GULP1: variants seen among roughly 807,000 people sequenced by gnomAD.
GULP1 encodes GULP PTB domain containing engulfment adaptor 1.
Under a neutral mutation model 40.9 loss-of-function variants are expected in GULP1, and 19 were observed. The ratio of observed to expected loss-of-function variants is 0.46; its 90% CI spans 0.32 to 0.68. GULP1 has a LOEUF of 0.68. Ranked by LOEUF, GULP1 falls within the 30% of genes least tolerant of loss-of-function variation. The pLI is 0.03. For missense variants in GULP1, 312 were observed against 362.2 expected (o/e 0.86, Z 1.12); for synonymous variants, 119 against 117.6 (o/e 1.01, Z -0.08).
intron 7 of GULP1, among the ~76,000 whole-genome samples, chr2:188,552,799 A>G (rs1296245555): frequency 6.6e-6 from 1 of 151,252 alleles, no homozygotes; most frequent in Non-Finnish European, 1.5e-5. Context: ...TTTATCAGTC[A>G]ATAAATAGTT....
At chr2:188,297,568 TG>T in intron 1 of GULP1, 1 of 431,210 alleles carries the variant, frequency 2.3e-6, no homozygotes. Context: ...TTAAGATCCT[TG>T]AAGTTCCTGG....
rs1704116343 is a variant in GULP1, at chr2:188,594,138, T to G, written c.*127T>G. 3 of 544,024 alleles carry G rather than the reference T, an allele frequency of 5.5e-6. No homozygotes were observed. The highest frequency in any genetic ancestry group is 6.6e-5 in the Admixed American group (2 of 30,458). 33.7% of individuals were successfully genotyped at this position (544,024 alleles called of 1,614,324 possible). A position where few individuals can be genotyped will look rare whatever the true frequency, so the allele number is the denominator to read the frequency against. ...TTGAATATTTTAATATTTTGAAAAT[T>G]TTCTCAGTTAAATTTCCTCACCTTC... On this transcript the variant is annotated 3_prime_UTR_variant, in exon 12 of 12. Coordinates refer to ENST00000409830, the MANE Select transcript of GULP1 (RefSeq NM_016315.4).
intron 2 of GULP1, among the ~76,000 whole-genome samples, chr2:188,460,806 T>G (rs2059640187): frequency 6.6e-6 from 1 of 152,136 alleles, no homozygotes; most frequent in Non-Finnish European, 1.5e-5. Context: ...TGGTTTTAAT[T>G]ATGTTGAGGT....
intron 1 of GULP1, among the ~76,000 whole-genome samples, chr2:188,345,107 C>T (rs185206116): frequency 2.0e-5 from 3 of 152,260 alleles, no homozygotes; most frequent in Admixed American, 1.3e-4. Flanking sequence ...TTTTTGCTAA[C>T]TAAGTGTGGT....
intron 2 of GULP1, among the ~76,000 whole-genome samples, chr2:188,399,690 GAAAA>G (rs55877284): frequency 1.5e-5 from 1 of 64,676 alleles, no homozygotes; most frequent in Non-Finnish European, 2.6e-5. Flanking sequence ...GTCCCTACAA[GAAAA>G]AAAAAAAAAA....
intron 1 of GULP1, among the ~76,000 whole-genome samples, chr2:188,295,759 C>T (rs749177160): frequency 5.3e-5 from 8 of 151,852 alleles, no homozygotes; most frequent in Non-Finnish European, 8.8e-5. Flanking sequence ...GTAAAAAGCA[C>T]GTGTATATGG....
intron 4 of GULP1, among the ~76,000 whole-genome samples, chr2:188,504,797 A>G (rs906755423): frequency 6.6e-6 from 1 of 151,872 alleles, no homozygotes; most frequent in Non-Finnish European, 1.5e-5. Context: ...ACAGTGAATC[A>G]TAAGTTAACT....
intron 2 of GULP1, among the ~76,000 whole-genome samples, chr2:188,461,031 G>T (rs1419305725): frequency 6.6e-6 from 1 of 152,064 alleles, no homozygotes; most frequent in African/African-American, 2.4e-5. Context: ...GTTGAATTTG[G>T]TTTGCTACCA....
intron 4 of GULP1, among the ~76,000 whole-genome samples, chr2:188,488,171 A>T (rs2062025641): frequency 6.6e-6 from 1 of 151,974 alleles, no homozygotes; most frequent in South Asian, 2.1e-4. Context: ...ACATGCTCAG[A>T]TGCACCCCTC....
intron 1 of GULP1, among the ~76,000 whole-genome samples, chr2:188,296,948 GTCTC>G (rs146228320): frequency 1.4e-3 from 209 of 151,710 alleles, no homozygotes; most frequent in Non-Finnish European, 2.4e-3. Context: ...CTCTTTGTCT[GTCTC>G]TCTCTCTGTC....
At chr2:188,510,666 T>G (rs1243187758) in intron 4 of GULP1, among the ~76,000 whole-genome samples, 1 of 152,018 alleles carries the variant, frequency 6.6e-6, no homozygotes, top group African/African-American at 2.4e-5. Context: ...AAGAGATATA[T>G]TATATGTGTA....
intron 9 of GULP1, among the ~76,000 whole-genome samples, chr2:188,572,421 T>C (rs1053952111): frequency 1.3e-5 from 2 of 152,188 alleles, no homozygotes; most frequent in African/African-American, 4.8e-5. Flanking sequence ...CTAAATAAAA[T>C]GCTTCAAAAA....
intron 2 of GULP1, among the ~76,000 whole-genome samples, chr2:188,453,082 T>C (rs2058964998): frequency 6.6e-6 from 1 of 151,980 alleles, no homozygotes; most frequent in Non-Finnish European, 1.5e-5. Flanking sequence ...CCTCCCAAAG[T>C]GCTAGGATTA....
intron 2 of GULP1, among the ~76,000 whole-genome samples, chr2:188,470,177 A>G (rs994092780): frequency 1.3e-5 from 2 of 152,148 alleles, no homozygotes; most frequent in African/African-American, 4.8e-5. Flanking sequence ...CAGTGAAGCC[A>G]TCAGGTCCCA....
chr2:188,533,279 AG>A (rs1431620446), intron 6 of GULP1, among the ~76,000 whole-genome samples: 1 of 152,188 alleles, frequency 6.6e-6, no homozygotes, highest in Non-Finnish European at 1.5e-5. Context: ...GCTTAGAAAA[AG>A]TCTGTGGTAC....
Position 188,458,322 on chromosome 2 carries a change from AC to A in GULP1, c.-44-19336del, listed in dbSNP as rs756289343. ...ACATAATTTTCCAATCAGCATAAAT[AC>A]ATATTCAATAGCTCCCCCAAAAATG... On this transcript the variant is annotated intron_variant, in intron 2 of 11. Coordinates refer to ENST00000409830, the MANE Select transcript of GULP1 (RefSeq NM_016315.4). Among the ~76,000 whole-genome samples the A allele has an allele frequency of 3.3e-5, 5 of 152,170 alleles. 1 individual carries two copies. Among genetic ancestry groups the A allele is most frequent in the Middle Eastern group, 6.3e-3 (2 of 316 alleles).
chr2:188,393,561 C>T (rs1349852672), intron 2 of GULP1, among the ~76,000 whole-genome samples: 1 of 151,904 alleles, frequency 6.6e-6, no homozygotes, highest in Non-Finnish European at 1.5e-5. Context: ...AACATTAAGG[C>T]CATTTATGTT....
At chr2:188,561,607 C>T (rs1346558120) in intron 7 of GULP1, among the ~76,000 whole-genome samples, 2 of 152,132 alleles carry the variant, frequency 1.3e-5, no homozygotes, top group Non-Finnish European at 2.9e-5. Flanking sequence ...CAGGCTTGTG[C>T]TCAGATCTCC....
chr2:188,580,358 C>T (rs1701010315), intron 9 of GULP1, among the ~76,000 whole-genome samples: 1 of 151,874 alleles, frequency 6.6e-6, no homozygotes, highest in Admixed American at 6.6e-5. Flanking sequence ...TCGAGACCAT[C>T]CCGGCTAAAA....
Sources: gnomAD v4.1 joint callset for allele counts (sites outside exome capture counted in the v4.1 genomes callset) on GRCh38, gnomAD v4.1.1 for gene constraint, MANE v1.5 for transcripts, NCBI Gene and HGNC (gene_info 2026-07-23, HGNC 2026-07-21) for gene names.